PALM: variants seen among roughly 807,000 people sequenced by gnomAD.
PALM encodes the protein paralemmin.
PALM carries 18 observed loss-of-function variants against 30.7 expected under a neutral mutation model. The ratio of observed to expected loss-of-function variants is 0.59; its 90% CI spans 0.41 to 0.87. PALM has a LOEUF of 0.87. Among genes scored for constraint, PALM ranks in the 40% least tolerant of loss-of-function variants. The pLI, the probability that PALM is intolerant of heterozygous loss-of-function variation, is 0.00. For missense variants in PALM, 529 were observed against 555.4 expected (o/e 0.95, Z 0.48); for synonymous variants, 286 against 242.8 (o/e 1.18, Z -1.66).
chr19:719,542 C>A, intron 1 of PALM: 1 of 985,590 alleles, frequency 1.0e-6, no homozygotes, highest in South Asian at 4.7e-5. Context: ...CTCGGAGACC[C>A]AGCACCTGCC....
intron 6 of PALM, among the ~76,000 whole-genome samples, chr19:735,348 G>C (rs2032994025): frequency 7.1e-6 from 1 of 141,428 alleles, no homozygotes; most frequent in Non-Finnish European, 1.5e-5. Flanking sequence ...CGGGTGTCTG[G>C]GTGGGATCTG....
chr19:743,065 C>T (rs1599169198), intron 8 of PALM, among the ~76,000 whole-genome samples: 1 of 152,116 alleles, frequency 6.6e-6, no homozygotes, highest in Non-Finnish European at 1.5e-5. Context: ...AGCCCATTCT[C>T]GTGGCTGTCC....
intron 4 of PALM, 109 bp downstream of exon 4, chr19:727,803 C>A: frequency 1.9e-6 from 2 of 1,047,812 alleles, no homozygotes; most frequent in Non-Finnish European, 2.8e-6. Context: ...GAGGGAGATG[C>A]GTGGACCGGG....
intron 7 of PALM, 137 bp downstream of exon 7, chr19:736,215 G>A (rs1180877342): frequency 3.8e-5 from 24 of 637,966 alleles, no homozygotes; most frequent in Non-Finnish European, 5.9e-5. Context: ...TTATGGGGGT[G>A]GCAGCTGGAC....
intron 1 of PALM, among the ~76,000 whole-genome samples, chr19:718,597 G>A (rs1337624518): frequency 6.6e-6 from 1 of 152,114 alleles, no homozygotes; most frequent in African/African-American, 2.4e-5. Context: ...TCTGTGGCCT[G>A]CTTTGACCTC....
chr19:712,600 G>C (rs1219340432), intron 1 of PALM, among the ~76,000 whole-genome samples: 1 of 151,444 alleles, frequency 6.6e-6, no homozygotes, highest in East Asian at 1.9e-4. Context: ...AGCCAGGATG[G>C]TCTCAATCTC....
At chr19:719,493 G>T in intron 1 of PALM, 1 of 985,250 alleles carries the variant, frequency 1.0e-6, no homozygotes, top group Non-Finnish European at 1.2e-6. Context: ...GGGGCGTGGC[G>T]CTCCAGGGGC....
At chr19:717,231 T>C (rs1346590581) in intron 1 of PALM, among the ~76,000 whole-genome samples, 2 of 151,500 alleles carry the variant, frequency 1.3e-5, no homozygotes, top group Non-Finnish European at 2.9e-5. Flanking sequence ...CCCAGCAGAG[T>C]TGTGTATCTT....
In PALM at chr19:711,799, G is replaced by A. The variant is rs371520886; in HGVS notation, c.5+2648G>A. Reference sequence around the variant, plus strand: ...TCCAGGAGGTGGCGGAACATGGGAAGGTGGTTTCTTTCTTTTTTCCATGTT... The same window carrying A: ...TCCAGGAGGTGGCGGAACATGGGAAAGTGGTTTCTTTCTTTTTTCCATGTT... On this transcript the variant is annotated intron_variant, in intron 1 of 8. Coordinates refer to ENST00000338448, the MANE Select transcript of PALM (RefSeq NM_002579.3). Among the ~76,000 whole-genome samples the A allele has an allele frequency of 1.4e-4, 22 of 152,238 alleles. No individual in the cohort carries two copies. In the East Asian group the frequency reaches 2.7e-3, roughly 19 times the overall value.
At chr19:719,600 G>A (rs996524477) in intron 1 of PALM, 1 of 986,198 alleles carries the variant, frequency 1.0e-6, no homozygotes, top group Non-Finnish European at 1.2e-6. Flanking sequence ...CACCAGGACC[G>A]CCGCCGCCCT....
chr19:730,583 G>T (rs2032838415), intron 4 of PALM, among the ~76,000 whole-genome samples: 1 of 152,214 alleles, frequency 6.6e-6, no homozygotes, highest in Admixed American at 6.5e-5. Flanking sequence ...GACACAGGGA[G>T]TCAGCCCTGG....
chr19:739,336 C>G (rs1480061396), intron 7 of PALM, among the ~76,000 whole-genome samples: 1 of 152,046 alleles, frequency 6.6e-6, no homozygotes, highest in Non-Finnish European at 1.5e-5. Context: ...CAGTCTCCGC[C>G]GTGACCCCGG....
chr19:727,746 C>T (rs1398751195), intron 4 of PALM, 52 bp downstream of exon 4: 9 of 1,480,202 alleles, frequency 6.1e-6, no homozygotes, highest in Non-Finnish European at 8.2e-6. Flanking sequence ...TCGGGGGCCG[C>T]TGGCTCCCGG....
chr19:711,625 C>G (rs2032082152), intron 1 of PALM, among the ~76,000 whole-genome samples: 1 of 152,196 alleles, frequency 6.6e-6, no homozygotes, highest in Admixed American at 6.5e-5. Context: ...TCCGTTGTAT[C>G]TGTTTCTTCC....
chr19:726,098 G>T (rs3787018), intron 1 of PALM, 40 bp from the exon 2 acceptor site: 94,690 of 1,522,744 alleles, frequency 0.062, 5,377 homozygotes, highest in African/African-American at 0.21. Context: ...GGACAGCAGG[G>T]CTCAGTGAAC....
intron 1 of PALM, among the ~76,000 whole-genome samples, chr19:714,358 CTT>C (rs34617281): frequency 1.2e-4 from 13 of 104,598 alleles, no homozygotes; most frequent in African/African-American, 2.5e-4. Context: ...TTTTTTCTTT[CTT>C]TTTTTTTTTT....
rs1195044580 is a variant in PALM, at chr19:731,095, G to A, written c.270G>A (p.Arg90=). 1 of 1,582,542 alleles carries A rather than the reference G, an allele frequency of 6.3e-7. No individual in the cohort carries two copies. Among genetic ancestry groups the A allele is most frequent in the Non-Finnish European group, 8.6e-7 (1 of 1,164,042 alleles). ...KTRLLEDSVS[R]LEKEIEVLER... is the part of the protein sequence containing the mutation. ...CCTCACAGGCACACCCTCTCCCCAG[G>A]TTGGAGAAGGAAATTGAGGTGCTGG... The change falls in exon 5 of 9, where the codon AGG becomes AGA. Residue 90 remains arginine (R), a splice_region_variant and synonymous_variant. Coordinates refer to ENST00000338448, the MANE Select transcript of PALM (RefSeq NM_002579.3).
chr19:747,089 T>G lies in PALM; in HGVS notation c.*275T>G. ...CTTTTCCCGAGACAAGGACCCCCCA[T>G]GTCACGGCAGCTTCACAGACGCGGC... On this transcript the variant is annotated 3_prime_UTR_variant, in exon 9 of 9. Coordinates refer to ENST00000338448, the MANE Select transcript of PALM (RefSeq NM_002579.3). The G allele has an allele frequency of 5.2e-6, 2 of 386,804 alleles. No homozygotes were observed. The highest frequency in any genetic ancestry group is 9.4e-6 in the Non-Finnish European group (2 of 213,458). 24.0% of individuals were successfully genotyped at this position (386,804 alleles called of 1,614,324 possible). A position where few individuals can be genotyped will look rare whatever the true frequency, so the allele number is the denominator to read the frequency against.
chr19:719,079 A>G (rs1179811967), intron 1 of PALM: 2 of 983,526 alleles, frequency 2.0e-6, no homozygotes, highest in Non-Finnish European at 2.4e-6. Flanking sequence ...TTTCCTTTCA[A>G]TTAGCAGCAG....
Sources: allele counts gnomAD v4.1 joint callset (sites outside exome capture counted in the v4.1 genomes callset), GRCh38; gene constraint gnomAD v4.1.1; transcripts MANE v1.5; gene names NCBI Gene and HGNC (gene_info 2026-07-23, HGNC 2026-07-21).